Variants in IL1RAPL1 observed in about 807,000 individuals in gnomAD.
IL1RAPL1 encodes interleukin 1 receptor accessory protein like 1, also known as interleukin-1 receptor accessory protein-like 1.
A neutral mutation model predicts 48.4 loss-of-function variants in IL1RAPL1; 3 were observed. The ratio of observed to expected loss-of-function variants is 0.06; its 90% confidence interval spans 0.03 to 0.16. The LOEUF (loss-of-function observed/expected upper bound fraction) is 0.16, where lower values mean the gene tolerates loss of function less well. Ranked by LOEUF, IL1RAPL1 falls within the 10% of genes least tolerant of loss-of-function variation. The pLI is 1.00. For missense variants in IL1RAPL1, 349 were observed against 530.6 expected, an observed-to-expected ratio of 0.66 and a Z score of 3.36; for synonymous variants, 185 against 187.7, an observed-to-expected ratio of 0.99 and a Z score of 0.12.
intron 2 of IL1RAPL1, among the ~76,000 whole-genome samples, chrX:29,126,650 C>T (rs1928905988): frequency 8.9e-6 from 1 of 112,253 alleles, no homozygotes; most frequent in Admixed American, 9.4e-5. Context: ...TTTACTTTCA[C>T]CATTTTTCAC....
At chrX:28,821,356 A>G (rs1260367807) in intron 2 of IL1RAPL1, among the ~76,000 whole-genome samples, 1 of 110,957 alleles carries the variant, frequency 9.0e-6, no homozygotes, top group African/African-American at 3.3e-5. Context: ...TATAACATTC[A>G]AAGGTTCTTG....
intron 5 of IL1RAPL1, among the ~76,000 whole-genome samples, chrX:29,657,240 G>A (rs961429275): frequency 4.5e-5 from 5 of 111,588 alleles, no homozygotes; most frequent in African/African-American, 1.3e-4. Context: ...TTTCAACCTC[G>A]GAATTATTGA....
chrX:28,938,124 A>G (rs1213701632), intron 2 of IL1RAPL1, among the ~76,000 whole-genome samples: 2 of 111,724 alleles, frequency 1.8e-5, no homozygotes, highest in South Asian at 7.4e-4. Context: ...TGCTATTCCT[A>G]TCAAACTAAC....
intron 2 of IL1RAPL1, among the ~76,000 whole-genome samples, chrX:28,823,827 A>C (rs777245494): frequency 8.1e-5 from 9 of 111,304 alleles, no homozygotes; most frequent in Non-Finnish European, 1.5e-4. Context: ...ACACTGGAAG[A>C]ATCCAGAATA....
intron 6 of IL1RAPL1, among the ~76,000 whole-genome samples, chrX:29,872,644 T>G (rs1382342643): frequency 8.9e-6 from 1 of 111,984 alleles, no homozygotes; most frequent in Non-Finnish European, 1.9e-5. Flanking sequence ...AAAGTGTCTT[T>G]CACTATAATT....
At chrX:29,025,211 T>G (rs1451160576) in intron 2 of IL1RAPL1, among the ~76,000 whole-genome samples, 1 of 112,353 alleles carries the variant, frequency 8.9e-6, no homozygotes, top group Non-Finnish European at 1.9e-5. Context: ...TCAGTTAACA[T>G]TCATTTAGGT....
intron 2 of IL1RAPL1, among the ~76,000 whole-genome samples, chrX:29,212,164 C>T (rs1249565042): frequency 3.6e-5 from 4 of 111,294 alleles, no homozygotes; most frequent in African/African-American, 6.5e-5. Context: ...GGTGTTGCCC[C>T]GACTTCTCTC....
At chrX:29,330,540 A>G (rs926969904) in intron 3 of IL1RAPL1, among the ~76,000 whole-genome samples, 1 of 108,101 alleles carries the variant, frequency 9.3e-6, no homozygotes, top group Admixed American at 1.0e-4. Flanking sequence ...GAGGTGATAT[A>G]AAGTGTTTTC....
At chrX:28,910,525 T>C (rs764750001) in intron 2 of IL1RAPL1, among the ~76,000 whole-genome samples, 1 of 109,832 alleles carries the variant, frequency 9.1e-6, no homozygotes, top group Non-Finnish European at 1.9e-5. Context: ...TCATCAGTGT[T>C]AGGTTCAGCA....
At chrX:29,877,386 AT>A (rs1361872722) in intron 6 of IL1RAPL1, among the ~76,000 whole-genome samples, 2 of 111,782 alleles carry the variant, frequency 1.8e-5, no homozygotes, top group African/African-American at 3.3e-5. Context: ...ATCCCATCAT[AT>A]TTATTTCTAG....
rs748431556 is a variant in IL1RAPL1 at position 28,859,696 on chromosome X, A to G, written c.82+70271A>G. ...TTTAAATCATTTAATTTTTCCATTG[A>G]GTACCACTCTATGGAAAAATTATTA... On this transcript the variant is annotated intron_variant, in intron 2 of 10. Coordinates refer to ENST00000378993, the MANE Select transcript of IL1RAPL1 (RefSeq NM_014271.4). Among the ~76,000 whole-genome samples the G allele has an allele frequency of 2.7e-3, 294 of 108,964 alleles. 2 individuals are homozygous for G. Among genetic ancestry groups the G allele is most frequent in the African/African-American group, 9.6e-3 (290 of 30,122 alleles). 94.6% of individuals were successfully genotyped at this position (108,964 alleles called of 115,157 possible).
At chrX:28,783,327 G>C (rs1936442118) in intron 1 of IL1RAPL1, among the ~76,000 whole-genome samples, 1 of 111,904 alleles carries the variant, frequency 8.9e-6, no homozygotes, top group Admixed American at 9.5e-5. Context: ...ACCTTGTAGG[G>C]TAATCTGCCA....
intron 4 of IL1RAPL1, among the ~76,000 whole-genome samples, chrX:29,397,596 T>C (rs1427929278): frequency 9.0e-6 from 1 of 110,545 alleles, no homozygotes; most frequent in Non-Finnish European, 1.9e-5. Flanking sequence ...TCTTTTTCTC[T>C]TTTTTTAATT....
At chrX:29,123,590 T>C (rs1386040830) in intron 2 of IL1RAPL1, among the ~76,000 whole-genome samples, 1 of 112,130 alleles carries the variant, frequency 8.9e-6, no homozygotes, top group Non-Finnish European at 1.9e-5. Flanking sequence ...GGCTATGTCA[T>C]TATAGCATGA....
chrX:29,802,747 T>TTTTA, intron 6 of IL1RAPL1, among the ~76,000 whole-genome samples: 1 of 36,258 alleles, frequency 2.8e-5, no homozygotes, highest in South Asian at 2.0e-3. Context: ...GAGGAAAAAA[T>TTTTA]TATATATATA....
At position 29,825,303 on chromosome X, in the gene IL1RAPL1, T is replaced by C. The variant is rs1930711373; in HGVS notation, c.779-92161T>C. On this transcript the variant is annotated intron_variant, in intron 6 of 10. Transcript: ENST00000378993. Reference sequence around the variant, plus strand: ...ATCAGAAATACCTTGTTGGCAAAAATGTCTTCCCTGCCCATCTTATTTGGT... The same window carrying C: ...ATCAGAAATACCTTGTTGGCAAAAACGTCTTCCCTGCCCATCTTATTTGGT... Among the ~76,000 whole-genome samples, 3 of 111,072 alleles carry C rather than the reference T, an allele frequency of 2.7e-5. No individual in the cohort carries two copies. In the South Asian group the frequency reaches 1.2e-3, roughly 43 times the overall value.
intron 5 of IL1RAPL1, among the ~76,000 whole-genome samples, chrX:29,593,776 T>G (rs1345729004): frequency 8.9e-6 from 1 of 112,101 alleles, no homozygotes; most frequent in Admixed American, 9.5e-5. Flanking sequence ...TTGAAAAATA[T>G]TTTTAACTGT....
chrX:29,290,002 T>C (rs887904774), intron 3 of IL1RAPL1, among the ~76,000 whole-genome samples: 14 of 111,858 alleles, frequency 1.3e-4, no homozygotes, highest in Admixed American at 1.1e-3. Flanking sequence ...TTTGGGACTA[T>C]GTAACTCTTT....
At position 29,898,044 on chromosome X, in the gene IL1RAPL1, AC is replaced by A. The variant is rs1932421219; in HGVS notation, c.779-19419del. Among the ~76,000 whole-genome samples the A allele has an allele frequency of 2.7e-5, 3 of 112,224 alleles. No individual in the cohort carries two copies. In the South Asian group the frequency reaches 1.1e-3, roughly 42 times the overall value. ...AATAAAGACTCATATAAAAAAGATA[AC>A]AAAGAAGTAACTGAGATATGTCACA... On this transcript the variant is annotated intron_variant, in intron 6 of 10. Transcript: ENST00000378993.
Sources: allele counts gnomAD v4.1 joint callset (sites outside exome capture counted in the v4.1 genomes callset), GRCh38; gene constraint gnomAD v4.1.1; transcripts MANE v1.5; gene names NCBI Gene and HGNC (gene_info 2026-07-23, HGNC 2026-07-21).